Variants in ERCC8 observed in about 807,000 individuals in gnomAD.
ERCC8 encodes ERCC excision repair 8, CSA ubiquitin ligase complex subunit, also known as DNA excision repair protein ERCC-8.
ERCC8 carries 52 observed loss-of-function variants against 54.9 expected under a neutral mutation model. The ratio of observed to expected loss-of-function variants is 0.95; its 90% CI spans 0.76 to 1.19. The LOEUF is 1.19. Among genes scored for constraint, ERCC8 ranks in the 50% most tolerant of loss-of-function variants. The probability of loss-of-function intolerance (pLI) is 0.00; values close to 1 mark genes in which losing one functional copy is unlikely to be tolerated. For missense variants in ERCC8, 514 were observed against 466.1 expected, an observed-to-expected ratio of 1.10 and a Z score of -0.95; for synonymous variants, 146 against 157.2, an observed-to-expected ratio of 0.93 and a Z score of 0.53.
intron 1 of ERCC8, among the ~76,000 whole-genome samples, chr5:60,938,040 CATACATACAT>C (rs1396297682): frequency 3.6e-3 from 116 of 32,434 alleles, no homozygotes; most frequent in East Asian, 0.024. Flanking sequence ...TACATACATA[CATACATACAT>C]ATATATATAT....
intron 9 of ERCC8, among the ~76,000 whole-genome samples, chr5:60,896,084 T>G (rs1289762165): frequency 6.6e-6 from 1 of 152,092 alleles, no homozygotes; most frequent in African/African-American, 2.4e-5. Context: ...CCTCCCAGGT[T>G]CAAGTGATTC....
At chr5:60,916,306 A>G (rs1212713535) in intron 4 of ERCC8, among the ~76,000 whole-genome samples, 1 of 152,024 alleles carries the variant, frequency 6.6e-6, no homozygotes, top group Non-Finnish European at 1.5e-5. Flanking sequence ...TGCCTCTTAG[A>G]AGCTATCCAA....
At chr5:60,931,311 T>A (rs932911202) in intron 1 of ERCC8, among the ~76,000 whole-genome samples, 6 of 152,284 alleles carry the variant, frequency 3.9e-5, no homozygotes, top group African/African-American at 7.2e-5. Context: ...AATTTTTTTT[T>A]AAATTTACTT....
intron 2 of ERCC8, among the ~76,000 whole-genome samples, chr5:60,926,665 C>T (rs1291242204): frequency 1.3e-5 from 2 of 152,144 alleles, no homozygotes; most frequent in African/African-American, 2.4e-5. Flanking sequence ...TAAATTTTAA[C>T]AACTACAACT....
intron 4 of ERCC8, chr5:60,915,435 A>T (rs1489097796): frequency 6.6e-6 from 1 of 152,032 alleles, no homozygotes; most frequent in Non-Finnish European, 1.5e-5. Context: ...TTCTGTAATA[A>T]TTTTCTACTG....
At chr5:60,942,312 G>A (rs1009366491) in intron 1 of ERCC8, among the ~76,000 whole-genome samples, 1 of 151,986 alleles carries the variant, frequency 6.6e-6, no homozygotes, top group African/African-American at 2.4e-5. Context: ...ATTAACTTCA[G>A]AGAAATAAAA....
At chr5:60,927,022 TATAG>T (rs1273174267) in intron 2 of ERCC8, among the ~76,000 whole-genome samples, 2 of 152,176 alleles carry the variant, frequency 1.3e-5, no homozygotes, top group Non-Finnish European at 2.9e-5. Flanking sequence ...CATGTTTTTA[TATAG>T]ACAAGAAAAC....
At chr5:60,877,151 T>G (rs558073876) in intron 11 of ERCC8, among the ~76,000 whole-genome samples, 1 of 152,280 alleles carries the variant, frequency 6.6e-6, no homozygotes, top group South Asian at 2.1e-4. Context: ...TTTCTCCATT[T>G]CTTGTTTTTG....
intron 9 of ERCC8, among the ~76,000 whole-genome samples, chr5:60,894,976 C>G (rs1479812558): frequency 6.6e-6 from 1 of 152,020 alleles, no homozygotes; most frequent in Admixed American, 6.6e-5. Flanking sequence ...CAACACCAGC[C>G]TGGCCAAGAT....
intron 4 of ERCC8, among the ~76,000 whole-genome samples, chr5:60,909,306 C>A (rs1482167959): frequency 1.6e-5 from 2 of 123,332 alleles, no homozygotes; most frequent in African/African-American, 6.2e-5. Flanking sequence ...TGACATGGAC[C>A]CTTCAATGAT....
At chr5:60,875,055 AC>A (rs1404113490) in intron 11 of ERCC8, among the ~76,000 whole-genome samples, 1 of 152,172 alleles carries the variant, frequency 6.6e-6, no homozygotes, top group East Asian at 1.9e-4. Flanking sequence ...CTAAGACTGG[AC>A]TCCAGGTGTA....
intron 7 of ERCC8, among the ~76,000 whole-genome samples, chr5:60,900,021 G>T (rs1461547842): frequency 6.6e-6 from 1 of 151,784 alleles, no homozygotes; most frequent in Non-Finnish European, 1.5e-5. Context: ...TTCTCCCAAG[G>T]ACCAGAAAGG....
rs74811299 is a variant in ERCC8, at chr5:60,914,601, G to T, written c.399+3664C>A. 1.5e-3 allele frequency among the ~76,000 whole-genome samples: 226 copies of T among 151,890 alleles called. 2 individuals are homozygous for T. The highest frequency in any genetic ancestry group is 5.1e-3 in the African/African-American group (209 of 41,368). The stretch of plus-strand genomic sequence containing the variant: ...AGGCCAGATTTTGACACCAGCCTGG[G>T]CAAGACAGAGAGACACTGCCTCTAC... On this transcript the variant is annotated intron_variant, in intron 4 of 11. Coordinates refer to ENST00000676185, the MANE Select transcript of ERCC8 (RefSeq NM_000082.4).
chr5:60,873,176 A>G lies in ERCC8; in HGVS notation c.*1439T>C, dbSNP rs1747899655. On this transcript the variant is annotated 3_prime_UTR_variant, in exon 12 of 12. Transcript: ENST00000676185. ...ATGGATGTAAAGTGTTCTTACCACAAAATGGTAACCATGTGAGGCATATGT... is the reference window on the plus strand; with the variant it reads ...ATGGATGTAAAGTGTTCTTACCACAGAATGGTAACCATGTGAGGCATATGT... 1.3e-5 allele frequency among the ~76,000 whole-genome samples: 2 copies of G among 152,382 alleles called. No individual in the cohort carries two copies. Among genetic ancestry groups the G allele is most frequent in the Non-Finnish European group, 2.9e-5 (2 of 68,042 alleles).
chr5:60,875,940 C>A (rs1303368218), intron 11 of ERCC8, among the ~76,000 whole-genome samples: 2 of 151,742 alleles, frequency 1.3e-5, no homozygotes, highest in Middle Eastern at 3.2e-3. Flanking sequence ...GCACAACGTG[C>A]AGGTTTGTCA....
At chr5:60,932,189 A>C (rs75979228) in intron 1 of ERCC8, 9,338 of 152,386 alleles carry the variant, frequency 0.061, 382 homozygotes, top group Middle Eastern at 0.084. Context: ...GGGCAATAAT[A>C]CTATAAAGGG....
In ERCC8 at chr5:60,916,380, T is replaced by G. The variant is rs1749435342; in HGVS notation, c.399+1885A>C. On this transcript the variant is annotated intron_variant, in intron 4 of 11. Transcript: ENST00000676185. ...AATGTCCAAAGAGAAAAAGAGTGTGTGGAAAGTTGAATGCATTTCTGTAAG... is the reference window on the plus strand; with the variant it reads ...AATGTCCAAAGAGAAAAAGAGTGTGGGGAAAGTTGAATGCATTTCTGTAAG... 3.3e-5 allele frequency among the ~76,000 whole-genome samples: 5 copies of G among 152,170 alleles called. No homozygotes were observed. The South Asian group carries it at 1.0e-3, about 32-fold the overall frequency.
At position 60,890,923 on chromosome 5, in the gene ERCC8, GT is replaced by G. The variant is rs1554072703; in HGVS notation, c.1006del (p.Thr336LeufsTer46). 6.2e-7 allele frequency: 1 copy of G among 1,613,486 alleles called. No homozygotes were observed. Among genetic ancestry groups the G allele is most frequent in the Non-Finnish European group, 8.5e-7 (1 of 1,179,644 alleles). On this transcript the variant is annotated frameshift_variant, in exon 10 of 12. Transcript: ENST00000676185. LOFTEE classifies it high-confidence loss of function. The part of the protein sequence containing the change: ...QITMLKGHYK[T>X]VDCCVFQSNF... ...TGACTGAAATACACAGCAGTCAACA[GT>G]TTTATAATGTCCCTTAAGCATAGTT...
At chr5:60,913,658 T>C (rs1022096241) in intron 4 of ERCC8, among the ~76,000 whole-genome samples, 1 of 152,274 alleles carries the variant, frequency 6.6e-6, no homozygotes, top group East Asian at 1.9e-4. Context: ...TTGCTCTTGC[T>C]TCTCTAGTTC....
Sources: allele counts gnomAD v4.1 joint callset (sites outside exome capture counted in the v4.1 genomes callset), GRCh38; gene constraint gnomAD v4.1.1; transcripts MANE v1.5; gene names NCBI Gene and HGNC (gene_info 2026-07-23, HGNC 2026-07-21).